The following TCF20 variants were observed in gnomAD, a reference collection of about 807,000 sequenced individuals.
TCF20 encodes SPRE-binding protein.
In TCF20, 3 loss-of-function variants were observed where a neutral mutation model predicts 148.6. The observed-to-expected ratio is 0.02, with a 90% CI of 0.01 to 0.05. The LOEUF is 0.05. Among genes scored for constraint, TCF20 ranks in the 10% least tolerant of loss-of-function variants. The pLI is 1.00. For missense variants in TCF20, 2,350 were observed against 2,429.3 expected, an observed-to-expected ratio of 0.97 and a Z score of 0.69; for synonymous variants, 1,049 against 909.5, an observed-to-expected ratio of 1.15 and a Z score of -2.76.
In TCF20 at chr22:42,211,952, C is replaced by T. The variant is rs772712518; in HGVS notation, c.3354G>A (p.Gly1118=). Residue 1118 remains glycine (G), a synonymous_variant, in exon 2 of 6, where the codon GGG becomes GGA. Coordinates refer to ENST00000677622, the MANE Select transcript of TCF20 (RefSeq NM_001378418.1). ...VIAAAQHRQE[G]PRKSPRQQQF... is the part of the protein sequence containing the mutation. The stretch of plus-strand genomic sequence containing the variant: ...GCTGCTGCCTTGGACTCTTCCGTGG[C>T]CCCTCCTGCCTGTGCTGTGCTGCAG... 6 of 1,614,066 alleles carry T rather than the reference C, an allele frequency of 3.7e-6. No homozygotes were observed. Among genetic ancestry groups the T allele is most frequent in the East Asian group, 2.2e-5 (1 of 44,898 alleles).
At chr22:42,175,229 C>A (rs1284417103) in intron 3 of TCF20, among the ~76,000 whole-genome samples, 1 of 152,194 alleles carries the variant, frequency 6.6e-6, no homozygotes, top group Non-Finnish European at 1.5e-5. Context: ...CCTGTTCTTG[C>A]TATGTTATCC....
chr22:42,305,883 C>A (rs1194352844), intron 1 of TCF20, among the ~76,000 whole-genome samples: 1 of 152,146 alleles, frequency 6.6e-6, no homozygotes, highest in Non-Finnish European at 1.5e-5. Context: ...CAGGAAAAGC[C>A]CCTCAGGAGG....
chr22:42,229,353 T>C (rs536332829), intron 1 of TCF20, among the ~76,000 whole-genome samples: 1 of 152,308 alleles, frequency 6.6e-6, no homozygotes, highest in East Asian at 1.9e-4. Context: ...TAGGATTTTA[T>C]TTGAGATCTA....
In TCF20 at chr22:42,212,343, A is replaced by G. The variant is rs1431179754; in HGVS notation, c.2963T>C (p.Met988Thr). Residue 988 changes from methionine (M) to threonine (T), a missense_variant, in exon 2 of 6, where the codon ATG becomes ACG. By Grantham distance (81) the Met-to-Thr change is moderately conservative. This residue lies in a region of TCF20 where 1,641 missense variants were observed against 1,662.6 expected (regional missense o/e 0.99). Coordinates refer to ENST00000677622, the MANE Select transcript of TCF20 (RefSeq NM_001378418.1). Reference protein sequence around the residue: ...YGPQDSRPTPMRRVPGRVGGR... With the variant: ...YGPQDSRPTPTRRVPGRVGGR... ...ACCAACTCTGCCAGGGACCCGCCGC[A>G]TTGGCGTGGGTCTGCTGTCTTGCGG... The G allele has an allele frequency of 1.2e-6, 2 of 1,614,144 alleles. No homozygotes were observed. The highest frequency in any genetic ancestry group is 1.1e-5 in the South Asian group (1 of 91,074).
At chr22:42,204,247 T>C (rs537833099) in intron 2 of TCF20, among the ~76,000 whole-genome samples, 52 of 152,064 alleles carry the variant, frequency 3.4e-4, no homozygotes, top group Middle Eastern at 3.5e-3. Flanking sequence ...ATAATCCCAG[T>C]ACTTTGGGAG....
In TCF20 at chr22:42,168,651, C is replaced by A. The variant is rs142222254; in HGVS notation, c.*2G>T. ...TCCATTCCCACGAGCACACTGCCCC[C>A]CTCACCCCCGCTCCGACTGCTCTGT... is the stretch of plus-strand genomic sequence containing the variant. On this transcript the variant is annotated 3_prime_UTR_variant, in exon 5 of 6. Transcript: ENST00000677622. 344 of 1,600,764 alleles carry A rather than the reference C, an allele frequency of 2.1e-4. 2 individuals carry two copies. The African/African-American group carries it at 4.2e-3, about 20-fold the overall frequency.
chr22:42,317,877 C>A lies in TCF20; in HGVS notation c.-37+25602G>T, dbSNP rs934755851. Among the ~76,000 whole-genome samples the A allele has an allele frequency of 9.2e-5, 14 of 152,208 alleles. No homozygotes were observed. The highest frequency in any genetic ancestry group is 3.4e-4 in the African/African-American group (14 of 41,456). ...GAGCCAGTAAGAGCCAGATCCCACT[C>A]GAGCCCAGGCGGGGCACCCTCCTGG... On this transcript the variant is annotated intron_variant, in intron 1 of 1. Transcript: ENST00000515426. This position sits in a 1 kb window ranked among gnomAD's most constrained non-coding sequence, Gnocchi z 4.2.
intron 1 of TCF20, among the ~76,000 whole-genome samples, chr22:42,316,854 G>A (rs985400501): frequency 2.6e-4 from 40 of 152,184 alleles, no homozygotes; most frequent in Non-Finnish European, 4.7e-4. Flanking sequence ...CAGCCCCTCT[G>A]AAGCTGACAC....
chr22:42,252,636 AG>A (rs774698350), intron 1 of TCF20, among the ~76,000 whole-genome samples: 19 of 152,228 alleles, frequency 1.2e-4, no homozygotes, highest in Admixed American at 7.9e-4. Flanking sequence ...TTTTTAGTAG[AG>A]ACGGGGCTTC....
intron 1 of TCF20, among the ~76,000 whole-genome samples, chr22:42,326,910 AC>A (rs1238051412): frequency 1.3e-5 from 2 of 152,060 alleles, no homozygotes; most frequent in Non-Finnish European, 1.5e-5. Context: ...GCGGCCACTC[AC>A]TCAATCCTTT....
chr22:42,228,320 G>A (rs375706899), intron 1 of TCF20, among the ~76,000 whole-genome samples: 2 of 152,340 alleles, frequency 1.3e-5, no homozygotes, highest in African/African-American at 4.8e-5. Flanking sequence ...AAGTGGACAT[G>A]AGAGTCATAA....
chr22:42,256,541 A>C (rs1432741708), intron 1 of TCF20, among the ~76,000 whole-genome samples: 4 of 151,996 alleles, frequency 2.6e-5, no homozygotes, highest in African/African-American at 7.3e-5. Context: ...TTCCAGCTCA[A>C]ATTTCTCCTA....
chr22:42,243,310 A>AAAAAAAAAAAAAAAAAAAAAAAAC lies in TCF20; in HGVS notation c.-37+27028_-37+27029insGTTTTTTTTTTTTTTTTTTTTTTT, dbSNP rs1569180401. ...ACTGTCTCAAAAAAAAAAAAAAAAA[A>AAAAAAAAAAAAAAAAAAAAAAAAC]AAAAAAAAAAAGTCAGGCATGATGG... On this transcript the variant is annotated intron_variant, in intron 1 of 5. Transcript: ENST00000677622. Among the ~76,000 whole-genome samples the AAAAAAAAAAAAAAAAAAAAAAAAC allele has an allele frequency of 1.6e-4, 22 of 140,938 alleles. 2 individuals carry two copies. Among genetic ancestry groups the AAAAAAAAAAAAAAAAAAAAAAAAC allele is most frequent in the African/African-American group, 6.4e-4 (21 of 33,004 alleles). 92.5% of individuals were successfully genotyped at this position (140,938 alleles called of 152,430 possible). A position where few individuals can be genotyped will look rare whatever the true frequency, so the allele number is the denominator to read the frequency against.
Position 42,218,489 on chromosome 22 carries a change from GCCAGTGGC to G in TCF20, c.-36-3156_-36-3149del, listed in dbSNP as rs556174538. Among the ~76,000 whole-genome samples the G allele has an allele frequency of 3.7e-4, 57 of 152,260 alleles. 1 individual carries two copies. In the East Asian group the frequency reaches 0.011, roughly 29 times the overall value. On this transcript the variant is annotated intron_variant, in intron 1 of 5. Coordinates refer to ENST00000677622, the MANE Select transcript of TCF20 (RefSeq NM_001378418.1). The stretch of plus-strand genomic sequence containing the variant: ...ATGTGCTCCTGCTCTACTCCTCAGT[GCCAGTGGC>G]CTTCTCTAGATAAAACAAGGCTGAA...
At chr22:42,291,592 T>C (rs890802368) in intron 1 of TCF20, among the ~76,000 whole-genome samples, 2 of 152,172 alleles carry the variant, frequency 1.3e-5, no homozygotes, top group African/African-American at 4.8e-5. Context: ...GTTTTCCTGA[T>C]GGTGCATGCA....
chr22:42,320,884 G>A (rs1374290172), intron 1 of TCF20, among the ~76,000 whole-genome samples: 1 of 152,164 alleles, frequency 6.6e-6, no homozygotes, highest in Non-Finnish European at 1.5e-5. Context: ...ACCAGAGGTG[G>A]GGGCCCCCAG....
intron 1 of TCF20, among the ~76,000 whole-genome samples, chr22:42,231,700 C>T (rs1387352913): frequency 2.6e-5 from 4 of 151,916 alleles, no homozygotes; most frequent in East Asian, 3.9e-4. Flanking sequence ...GAGGCCCAGG[C>T]GGGTGGATCA....
At chr22:42,177,926 A>G (rs377209556) in intron 3 of TCF20, among the ~76,000 whole-genome samples, 21 of 152,204 alleles carry the variant, frequency 1.4e-4, no homozygotes, top group East Asian at 7.7e-4. Flanking sequence ...TGGTTCCTGG[A>G]TGGGGGCTGG....
intron 2 of TCF20, among the ~76,000 whole-genome samples, chr22:42,179,942 G>A (rs56070086): frequency 0.042 from 6,410 of 152,180 alleles, 197 homozygotes; most frequent in Non-Finnish European, 0.069. Flanking sequence ...AATACAGCAG[G>A]GTGAGATGAG....
Sources: gnomAD v4.1 joint callset for allele counts (sites outside exome capture counted in the v4.1 genomes callset) on GRCh38, gnomAD v4.1.1 for gene constraint, gnomAD v4.1.1 regional missense constraint, Gnocchi (gnomAD v3.1) non-coding constraint, MANE v1.5 for transcripts, NCBI Gene and HGNC (gene_info 2026-07-23, HGNC 2026-07-21) for gene names.